JAM3: variants seen among roughly 807,000 people sequenced by gnomAD.
The protein encoded by JAM3 is junctional adhesion molecule C.
JAM3 carries 31 observed loss-of-function variants against 39.4 expected under a neutral mutation model. That is an observed-to-expected ratio of 0.79 (90% CI 0.59 to 1.06). JAM3 has a LOEUF of 1.06. JAM3 is among the 50% of genes least tolerant of loss of function. The pLI is 0.00. For synonymous variants in JAM3, 182 were observed against 148.7 expected (o/e 1.22, Z -1.63); for missense variants, 455 against 391.4 (o/e 1.16, Z -1.37).
At position 134,149,352 on chromosome 11, in the gene JAM3, G is replaced by C. The variant is rs553947055; in HGVS notation, c.*171G>C. 15 of 722,852 alleles carry C rather than the reference G, an allele frequency of 2.1e-5. 1 individual carries two copies. In the Admixed American group the frequency reaches 3.1e-4, roughly 15 times the overall value. 44.8% of individuals were successfully genotyped at this position (722,852 alleles called of 1,614,324 possible). A position where few individuals can be genotyped will look rare whatever the true frequency, so the allele number is the denominator to read the frequency against. On this transcript the variant is annotated 3_prime_UTR_variant, in exon 9 of 9. Transcript: ENST00000299106. ...CTCTTCTTACTCTAACAAGCCACAT[G>C]AATAGAAGAATTTTCCTCAAGATGG...
chr11:134,098,475 A>G (rs914411173), intron 1 of JAM3, among the ~76,000 whole-genome samples: 7 of 152,174 alleles, frequency 4.6e-5, no homozygotes, highest in Non-Finnish European at 7.3e-5. Context: ...GGACAGCAAG[A>G]CTATTTCTAC....
At chr11:134,096,774 G>A (rs995836924) in intron 1 of JAM3, among the ~76,000 whole-genome samples, 2 of 152,174 alleles carry the variant, frequency 1.3e-5, no homozygotes, top group Admixed American at 6.5e-5. Context: ...TAATGAACAC[G>A]ATTGGATTCT....
chr11:134,149,646 CCTTA>C lies in JAM3; in HGVS notation c.*469_*472del, dbSNP rs1943154785. On this transcript the variant is annotated 3_prime_UTR_variant, in exon 9 of 9. Coordinates refer to ENST00000299106, the MANE Select transcript of JAM3 (RefSeq NM_032801.5). The stretch of plus-strand genomic sequence containing the variant: ...CCAGAAAAGGCTTCTTACACAGCAG[CCTTA>C]CTTCATCGGCCCACAGACACCACCG... The C allele has an allele frequency of 4.4e-6, 2 of 458,698 alleles. No individual in the cohort carries two copies. Among genetic ancestry groups the C allele is most frequent in the African/African-American group, 2.0e-5 (1 of 50,212 alleles). 28.4% of individuals were successfully genotyped at this position (458,698 alleles called of 1,614,324 possible). A position where few individuals can be genotyped will look rare whatever the true frequency, so the allele number is the denominator to read the frequency against.
At chr11:134,111,133 CTTTTTT>C (rs71038561) in intron 1 of JAM3, among the ~76,000 whole-genome samples, 16 of 86,744 alleles carry the variant, frequency 1.8e-4, no homozygotes, top group African/African-American at 6.6e-4. Context: ...ACACATCCAT[CTTTTTT>C]TTTTTTTTTT....
chr11:134,103,372 T>C (rs1026786823), intron 1 of JAM3, among the ~76,000 whole-genome samples: 4 of 151,994 alleles, frequency 2.6e-5, no homozygotes, highest in Non-Finnish European at 5.9e-5. Context: ...GCACTAAACA[T>C]GGAAAGGAAC....
At chr11:134,101,551 C>T (rs1942073016) in intron 1 of JAM3, among the ~76,000 whole-genome samples, 1 of 152,108 alleles carries the variant, frequency 6.6e-6, no homozygotes, top group African/African-American at 2.4e-5. Flanking sequence ...TAAGGCATTC[C>T]TGTTGATAAT....
In JAM3 at chr11:134,111,133, C is replaced by CTTTTTTTTTTTTT. The variant is rs71038561; in HGVS notation, c.77-28702_77-28690dup. Among the ~76,000 whole-genome samples the CTTTTTTTTTTTTT allele has an allele frequency of 4.4e-4, 38 of 86,776 alleles. 7 individuals are homozygous for CTTTTTTTTTTTTT. The highest frequency in any genetic ancestry group is 2.1e-3 in the African/African-American group (38 of 18,144). 56.9% of individuals were successfully genotyped at this position (86,776 alleles called of 152,430 possible). A position where few individuals can be genotyped will look rare whatever the true frequency, so the allele number is the denominator to read the frequency against. On this transcript the variant is annotated intron_variant, in intron 1 of 8. Transcript: ENST00000299106. ...TGTACCATACCCAACACACATCCAT[C>CTTTTTTTTTTTTT]TTTTTTTTTTTTTTTTTTTTTTTTT...
intron 1 of JAM3, among the ~76,000 whole-genome samples, chr11:134,113,199 G>GT (rs202003305): frequency 0.32 from 47,015 of 144,700 alleles, 9,109 homozygotes; most frequent in African/African-American, 0.57. Context: ...GGACTGTCTG[G>GT]TTTTTTTTTT....
intron 1 of JAM3, among the ~76,000 whole-genome samples, chr11:134,130,680 C>T (rs1329418709): frequency 1.3e-5 from 2 of 152,158 alleles, no homozygotes; most frequent in East Asian, 3.9e-4. Flanking sequence ...TTTTACACAC[C>T]CTTGCCCTAC....
chr11:134,095,700 G>T (rs910701838), intron 1 of JAM3, among the ~76,000 whole-genome samples: 2 of 151,844 alleles, frequency 1.3e-5, no homozygotes, highest in African/African-American at 4.8e-5. Flanking sequence ...AAAGAGTCTA[G>T]GTTAAAGCAC....
intron 1 of JAM3, among the ~76,000 whole-genome samples, chr11:134,123,274 C>T (rs952810740): frequency 6.6e-6 from 1 of 152,066 alleles, no homozygotes; most frequent in Non-Finnish European, 1.5e-5. Flanking sequence ...CCAGACTGCA[C>T]GTACATCTAC....
At position 134,145,963 on chromosome 11, in the gene JAM3, C is replaced by G; in HGVS notation, c.630C>G (p.His210Gln). 2 of 1,613,576 alleles carry G rather than the reference C, an allele frequency of 1.2e-6. No individual in the cohort carries two copies. The highest frequency in any genetic ancestry group is 1.7e-6 in the Non-Finnish European group (2 of 1,179,466). ...TGAAACAGGTGTTCACTGCTGTTCA[C>G]AAGGACGACTCTGGGCAGTACTACT... ...ETGTLVFTAV[H>Q]KDDSGQYYCI... The change falls in exon 6 of 9, where the codon CAC becomes CAG. Residue 210 changes from histidine (H) to glutamine (Q), a missense_variant. By Grantham distance (24) the His-to-Gln change is conservative. Coordinates refer to ENST00000299106, the MANE Select transcript of JAM3 (RefSeq NM_032801.5).
In JAM3 at chr11:134,149,372, A is replaced by T. The variant is rs542736280; in HGVS notation, c.*191A>T. 339 of 668,000 alleles carry T rather than the reference A, an allele frequency of 5.1e-4. 1 individual carries two copies. In the Middle Eastern group the frequency reaches 8.0e-3, roughly 16 times the overall value. 41.4% of individuals were successfully genotyped at this position (668,000 alleles called of 1,614,324 possible). ...CACATGAATAGAAGAATTTTCCTCA[A>T]GATGGACCCGGTAAATATAACCACA... On this transcript the variant is annotated 3_prime_UTR_variant, in exon 9 of 9. Coordinates refer to ENST00000299106, the MANE Select transcript of JAM3 (RefSeq NM_032801.5).
At position 134,146,035 on chromosome 11, in the gene JAM3, G is replaced by C. The variant is rs141227203; in HGVS notation, c.702G>C (p.Glu234Asp). Residue 234 changes from glutamate (E) to aspartate (D), a missense_variant, in exon 6 of 9, where the codon GAG (glutamate) becomes GAC (aspartate). Transcript: ENST00000299106. ...GCTCAGCCAGGTGTGAGGAGCAGGAGATGGAAGTCTGTGAGTTTCTTTTTT... is the reference window on the plus strand; with the variant it reads ...GCTCAGCCAGGTGTGAGGAGCAGGACATGGAAGTCTGTGAGTTTCTTTTTT... ...DAGSARCEEQEMEVYDLNIGG... is the reference protein window; with the variant it reads ...DAGSARCEEQDMEVYDLNIGG... The C allele has an allele frequency of 6.2e-7, 1 of 1,612,088 alleles. No individual in the cohort carries two copies. Among genetic ancestry groups the C allele is most frequent in the African/African-American group, 1.3e-5 (1 of 75,026 alleles).
intron 1 of JAM3, among the ~76,000 whole-genome samples, chr11:134,118,113 G>A (rs1444751658): frequency 6.6e-6 from 1 of 152,166 alleles, no homozygotes; most frequent in African/African-American, 2.4e-5. Context: ...AAATATTAGG[G>A]ATAATGTATT....
intron 6 of JAM3, chr11:134,148,304 C>T: frequency 1.8e-6 from 1 of 561,416 alleles, no homozygotes; most frequent in Admixed American, 3.0e-5. Flanking sequence ...ATACACTTTT[C>T]AGTGCGACTG....
Position 134,148,281 on chromosome 11 carries a change from C to G in JAM3, c.713-266C>G, listed in dbSNP as rs539170587. 2.5e-5 allele frequency: 13 copies of G among 512,110 alleles called. No homozygotes were observed. The East Asian group carries it at 4.7e-4, about 18-fold the overall frequency. 31.7% of individuals were successfully genotyped at this position (512,110 alleles called of 1,614,324 possible). ...CAGAGGATTTTTAAGCCTACAGTGC[C>G]AAGCCCACTTTAATACACTTTTCAG... is the stretch of plus-strand genomic sequence containing the variant. On this transcript the variant is annotated intron_variant, in intron 6 of 8. Coordinates refer to ENST00000299106, the MANE Select transcript of JAM3 (RefSeq NM_032801.5).
chr11:134,099,648 C>G (rs1270923699), intron 1 of JAM3, among the ~76,000 whole-genome samples: 1 of 152,136 alleles, frequency 6.6e-6, no homozygotes, highest in South Asian at 2.1e-4. Context: ...TGTCACCCGC[C>G]CAGGCTGGAG....
At chr11:134,078,930 TTGGGAG>T (rs1941619034) in intron 1 of JAM3, among the ~76,000 whole-genome samples, 1 of 152,096 alleles carries the variant, frequency 6.6e-6, no homozygotes, top group Admixed American at 6.6e-5. Context: ...TCCCAGCTGC[TTGGGAG>T]GCTGAGGCAG....
Sources: allele counts gnomAD v4.1 joint callset (sites outside exome capture counted in the v4.1 genomes callset), GRCh38; gene constraint gnomAD v4.1.1; transcripts MANE v1.5; gene names NCBI Gene and HGNC (gene_info 2026-07-23, HGNC 2026-07-21).